Variants in CRYBG3 observed in about 807,000 individuals in gnomAD.
The protein encoded by CRYBG3 is crystallin beta-gamma domain containing 3, also known as very large A-kinase anchor protein.
Under a neutral mutation model 244.2 loss-of-function variants are expected in CRYBG3, and 127 were observed. The ratio of observed to expected loss-of-function variants is 0.52; its 90% confidence interval spans 0.45 to 0.60. CRYBG3 has a LOEUF of 0.60. Among genes scored for constraint, CRYBG3 ranks in the 20% least tolerant of loss-of-function variants. CRYBG3 has a pLI of 0.00. For missense variants in CRYBG3, 3,325 were observed against 3,442.5 expected (o/e 0.97, Z 0.85); for synonymous variants, 1,132 against 1,195.8 (o/e 0.95, Z 1.10).
chr3:97,864,015 A>G (rs2039189088), intron 2 of CRYBG3, among the ~76,000 whole-genome samples: 1 of 152,010 alleles, frequency 6.6e-6, no homozygotes, highest in South Asian at 2.1e-4. Context: ...TTCTCCCCTC[A>G]TGACATTTAC....
rs1428738933 is a variant in CRYBG3, at chr3:97,864,437, A to G, written c.437A>G (p.Lys146Arg). 2.6e-6 allele frequency: 4 copies of G among 1,535,938 alleles called. No homozygotes were observed. The highest frequency in any genetic ancestry group is 3.5e-6 in the Non-Finnish European group (4 of 1,146,766). ...SLGEAKQSSF[K>R]DDQDKTEKDL... ...GGTGAAGCTAAGCAGTCTTCTTTCA[A>G]AGATGACCAGGATAAAACTGAGAAG... is the stretch of plus-strand genomic sequence containing the variant. The change falls in exon 3 of 22, where the codon AAA becomes AGA. Residue 146 changes from lysine (K) to arginine (R), a missense_variant. Lys to Arg is a conservative substitution (Grantham distance 26, BLOSUM62 2). Transcript: ENST00000389622.
In CRYBG3 at chr3:97,843,719, A is replaced by G. The variant is rs962375022; in HGVS notation, c.216+458A>G. 5.3e-5 allele frequency among the ~76,000 whole-genome samples: 8 copies of G among 152,320 alleles called. No homozygotes were observed. In the East Asian group the frequency reaches 1.2e-3, roughly 22 times the overall value. ...TGTTAGGTGTGTTTGGTTAGTTTGC[A>G]TGTCGTTCTTGGCTTCTCTAAGAGG... On this transcript the variant is annotated intron_variant, in intron 2 of 21. Transcript: ENST00000389622.
chr3:97,877,703 G>C lies in CRYBG3; in HGVS notation c.6509G>C (p.Arg2170Pro). The change falls in exon 4 of 22, where the codon CGT (arginine) becomes CCT (proline). Residue 2170 changes from arginine to proline, a missense_variant. Arg to Pro is a moderately radical substitution (Grantham distance 103). Coordinates refer to ENST00000389622, the MANE Select transcript of CRYBG3 (RefSeq NM_153605.4). The part of the protein sequence containing the change: ...KGDLRAGSGE[R>P]VTFQLPDPSI... ...GATCTGAGAGCTGGAAGTGGGGAGC[G>C]TGTTACCTTCCAGTTGCCAGATCCT... The C allele has an allele frequency of 6.2e-7, 1 of 1,614,004 alleles. No homozygotes were observed. The highest frequency in any genetic ancestry group is 1.1e-5 in the South Asian group (1 of 91,076).
At chr3:97,914,693 C>T (rs2039908478) in intron 16 of CRYBG3, among the ~76,000 whole-genome samples, 1 of 152,174 alleles carries the variant, frequency 6.6e-6, no homozygotes, top group Non-Finnish European at 1.5e-5. Flanking sequence ...AAATAATGCA[C>T]TAGCTTTATG....
In CRYBG3 at chr3:97,822,333, G is replaced by C. The variant is rs765577005; in HGVS notation, c.127G>C (p.Ala43Pro). 6.6e-7 allele frequency: 1 copy of C among 1,507,850 alleles called. No homozygotes were observed. Among genetic ancestry groups the C allele is most frequent in the African/African-American group, 1.4e-5 (1 of 70,918 alleles). The allele number at this position is 1,507,850 out of a possible 1,614,324, so 93.4% of individuals were successfully genotyped here. The change falls in exon 1 of 22, where the codon GCT becomes CCT. Residue 43 changes from alanine to proline, a missense_variant. By Grantham distance (27) the Ala-to-Pro change is conservative. Around this residue, in one of 4 missense-constraint regions of CRYBG3, gnomAD observed 1,526 missense variants for 1,443.2 expected, o/e 1.06. Coordinates refer to ENST00000389622, the MANE Select transcript of CRYBG3 (RefSeq NM_153605.4). ...GAGGCCGGGGACGAGCCCGCCTCCA[G>C]CTCCAGGCCGGTCCGCTGCCAGGTG... The part of the protein sequence containing the change: ...EERPGTSPPP[A>P]PGRSAASVEN...
chr3:97,923,942 A>T (rs1007567821), intron 17 of CRYBG3, among the ~76,000 whole-genome samples: 2 of 152,100 alleles, frequency 1.3e-5, no homozygotes, highest in African/African-American at 2.4e-5. Context: ...GGAGTAAAAC[A>T]TGGCAAGCTT....
rs2040320105 is a variant in CRYBG3 at position 97,944,976 on chromosome 3, T to G, written c.*1662T>G. The G allele has an allele frequency of 7.5e-6, 3 of 398,446 alleles. No individual in the cohort carries two copies. The South Asian group carries it at 2.0e-4, about 26-fold the overall frequency. The allele number at this position is 398,446 out of a possible 1,614,324, so 24.7% of individuals were successfully genotyped here. A position where few individuals can be genotyped will look rare whatever the true frequency, so the allele number is the denominator to read the frequency against. ...ACTTGTCAAAATATGGTTTTGTCAT[T>G]TTCTGAGACACTTGGTAATTTGCTG... On this transcript the variant is annotated 3_prime_UTR_variant, in exon 22 of 22. Coordinates refer to ENST00000389622, the MANE Select transcript of CRYBG3 (RefSeq NM_153605.4).
chr3:97,933,651 A>G (rs1559748223), intron 17 of CRYBG3, 43 bp from the exon 18 acceptor site: 3 of 1,603,578 alleles, frequency 1.9e-6, no homozygotes, highest in East Asian at 2.2e-5. Context: ...TGTCACTGAG[A>G]TATGGCCACT....
intron 1 of CRYBG3, among the ~76,000 whole-genome samples, chr3:97,828,325 C>G (rs1441146549): frequency 6.6e-6 from 1 of 152,070 alleles, no homozygotes; most frequent in East Asian, 1.9e-4. Flanking sequence ...AGTTTGCAAA[C>G]AGGCCAAAAG....
At chr3:97,918,422 C>T (rs2039950238) in intron 17 of CRYBG3, among the ~76,000 whole-genome samples, 1 of 152,132 alleles carries the variant, frequency 6.6e-6, no homozygotes, top group Non-Finnish European at 1.5e-5. Context: ...CGAATATGAC[C>T]TTAAGCAAAT....
intron 12 of CRYBG3, among the ~76,000 whole-genome samples, chr3:97,898,671 T>C (rs150576413): frequency 1.9e-4 from 29 of 152,344 alleles, no homozygotes; most frequent in African/African-American, 6.7e-4. Flanking sequence ...AAAAATGTAA[T>C]ATCTTCCCAA....
chr3:97,828,929 AG>A (rs1360903112), intron 1 of CRYBG3, among the ~76,000 whole-genome samples: 1 of 152,150 alleles, frequency 6.6e-6, no homozygotes, highest in Non-Finnish European at 1.5e-5. Flanking sequence ...ATACAAAAGA[AG>A]GGGATATGAA....
At chr3:97,938,796 TTTATTA>T (rs957511142) in intron 19 of CRYBG3, among the ~76,000 whole-genome samples, 28 of 151,704 alleles carry the variant, frequency 1.8e-4, no homozygotes, top group Non-Finnish European at 3.8e-4. Flanking sequence ...TTGAAAATTT[TTTATTA>T]TTATTATTAT....
At chr3:97,828,069 A>G (rs1379472486) in intron 1 of CRYBG3, among the ~76,000 whole-genome samples, 2 of 152,202 alleles carry the variant, frequency 1.3e-5, no homozygotes, top group African/African-American at 4.8e-5. Context: ...TTTATATTTA[A>G]ATACAAAGAA....
chr3:97,835,133 G>A, intron 1 of CRYBG3, among the ~76,000 whole-genome samples: 1 of 152,148 alleles, frequency 6.6e-6, no homozygotes, highest in East Asian at 1.9e-4. Flanking sequence ...ATATTTATAT[G>A]TTGTAAAAAT....
chr3:97,886,661 C>T lies in CRYBG3; in HGVS notation c.7183C>T (p.Pro2395Ser). 6.2e-7 allele frequency: 1 copy of T among 1,605,180 alleles called. No homozygotes were observed. ...DCSIPEIELF[P>S]QSDPACCPVY... ...CAGCATTCCAGAAATAGAGCTTTTC[C>T]CACAATCTGACCCAGCCTGTTGTCC... Residue 2395 changes from proline to serine, a missense_variant, in exon 8 of 22, where the codon CCA becomes TCA. Physicochemically the swap from Pro to Ser is moderately conservative, Grantham distance 74. Transcript: ENST00000389622.
rs112498776 is a variant in CRYBG3 at position 97,941,215 on chromosome 3, C to T, written c.8573C>T (p.Ala2858Val). ...TATCTGACAGTCACTGGAAGTCTAG[C>T]AGACACCAGGGCAACATCTGTGTGC... Reference protein sequence around the residue: ...GEYLTVTGSLADTRATSVCIS... With the variant: ...GEYLTVTGSLVDTRATSVCIS... Residue 2858 changes from alanine (A) to valine (V), a missense_variant, in exon 20 of 22, where the codon GCA becomes GTA. Ala to Val is a moderately conservative substitution (Grantham distance 64). This residue lies in a region of CRYBG3 where 714 missense variants were observed against 803.6 expected (regional missense o/e 0.89). Transcript: ENST00000389622. The T allele has an allele frequency of 5.0e-6, 8 of 1,611,382 alleles. No individual in the cohort carries two copies. The highest frequency in any genetic ancestry group is 4.0e-5 in the African/African-American group (3 of 74,846).
intron 19 of CRYBG3, among the ~76,000 whole-genome samples, chr3:97,939,890 T>A (rs2107108225): frequency 6.6e-6 from 1 of 152,198 alleles, no homozygotes; most frequent in South Asian, 2.1e-4. Flanking sequence ...GTGCTGAGAA[T>A]GTGTATTTCC....
At chr3:97,846,037 A>G (rs2038896339) in intron 2 of CRYBG3, among the ~76,000 whole-genome samples, 1 of 152,244 alleles carries the variant, frequency 6.6e-6, no homozygotes, top group Middle Eastern at 3.4e-3. Flanking sequence ...CGTGTCATGG[A>G]TGCTCAGTAT....
Sources: gnomAD v4.1 joint callset for allele counts (sites outside exome capture counted in the v4.1 genomes callset) on GRCh38, gnomAD v4.1.1 for gene constraint, gnomAD v4.1.1 regional missense constraint, MANE v1.5 for transcripts, NCBI Gene and HGNC (gene_info 2026-07-23, HGNC 2026-07-21) for gene names.